The following PRKAG2 variants were observed in gnomAD, a reference collection of about 807,000 sequenced individuals.
PRKAG2 encodes the protein 5'-AMP-activated protein kinase subunit gamma-2.
A neutral mutation model predicts 69.6 loss-of-function variants in PRKAG2; 26 were observed. That is an observed-to-expected ratio of 0.37 (90% CI 0.27 to 0.52). The LOEUF is 0.52. PRKAG2 is among the 20% of genes least tolerant of loss of function. The probability of loss-of-function intolerance (pLI) is 0.90; values close to 1 mark genes in which losing one functional copy is unlikely to be tolerated. For synonymous variants in PRKAG2, 293 were observed against 285.0 expected, an observed-to-expected ratio of 1.03 and a Z score of -0.28; for missense variants, 557 against 740.0, an observed-to-expected ratio of 0.75 and a Z score of 2.87.
chr7:151,832,440 C>A (rs2079056027), intron 1 of PRKAG2, among the ~76,000 whole-genome samples: 1 of 152,212 alleles, frequency 6.6e-6, no homozygotes, highest in South Asian at 2.1e-4. Context: ...CCTCCATAGA[C>A]ACCTGCCCAC....
intron 5 of PRKAG2, among the ~76,000 whole-genome samples, chr7:151,611,013 C>T (rs1002559352): frequency 1.3e-5 from 2 of 152,084 alleles, no homozygotes; most frequent in African/African-American, 4.8e-5. Flanking sequence ...CCTTGGCCTC[C>T]CAAAGTGCTG....
chr7:151,731,796 A>C (rs757901003), intron 3 of PRKAG2, among the ~76,000 whole-genome samples: 22 of 151,988 alleles, frequency 1.4e-4, no homozygotes, highest in Non-Finnish European at 2.8e-4. Flanking sequence ...GGATTTCATG[A>C]CCCTCACAGA....
rs768825051 is a variant in PRKAG2 at position 151,595,480 on chromosome 7, A to G, written c.755-26T>C. On this transcript the variant is annotated intron_variant, in intron 5 of 15. Coordinates refer to ENST00000287878, the MANE Select transcript of PRKAG2 (RefSeq NM_016203.4). ...CTAAAAGAAAAAAAGGCAAAACATC[A>G]GTAATAATAAAGAATTCCCTCAATC... The G allele has an allele frequency of 1.5e-5, 22 of 1,477,062 alleles. 1 individual carries two copies. The South Asian group carries it at 2.4e-4, about 16-fold the overall frequency. 91.5% of individuals were successfully genotyped at this position (1,477,062 alleles called of 1,614,324 possible).
intron 1 of PRKAG2, among the ~76,000 whole-genome samples, chr7:151,787,381 C>T (rs1195458746): frequency 2.0e-5 from 3 of 151,976 alleles, no homozygotes; most frequent in Non-Finnish European, 4.4e-5. Flanking sequence ...CCTCCCCCTC[C>T]CCCTAGTGCT....
intron 3 of PRKAG2, among the ~76,000 whole-genome samples, chr7:151,681,082 C>T (rs6973948): frequency 0.37 from 56,598 of 151,930 alleles, 10,654 homozygotes; most frequent in African/African-American, 0.4. Flanking sequence ...GAGCACAAAC[C>T]ACGGTGTCCG....
chr7:151,829,535 G>C (rs983465653), intron 1 of PRKAG2, among the ~76,000 whole-genome samples: 1 of 151,876 alleles, frequency 6.6e-6, no homozygotes, highest in Non-Finnish European at 1.5e-5. Flanking sequence ...ATTCTCAAGA[G>C]AAATAAAAAC....
At chr7:151,721,095 C>A (rs531801753) in intron 3 of PRKAG2, among the ~76,000 whole-genome samples, 11 of 143,624 alleles carry the variant, frequency 7.7e-5, no homozygotes. Context: ...ACACAGAGGG[C>A]AGAGGGGGAC....
intron 3 of PRKAG2, among the ~76,000 whole-genome samples, chr7:151,767,845 G>A (rs1300306723): frequency 2.7e-5 from 2 of 75,390 alleles, no homozygotes; most frequent in African/African-American, 5.4e-5. Flanking sequence ...CAAAAGCTCT[G>A]GTTCCTCTTA....
At chr7:151,864,384 A>G (rs2080009117) in intron 1 of PRKAG2, among the ~76,000 whole-genome samples, 1 of 152,094 alleles carries the variant, frequency 6.6e-6, no homozygotes, top group Admixed American at 6.6e-5. Flanking sequence ...CTGTTTCCTC[A>G]TTATACGGCG....
At chr7:151,680,521 G>A (rs1833715194) in intron 3 of PRKAG2, among the ~76,000 whole-genome samples, 1 of 152,220 alleles carries the variant, frequency 6.6e-6, no homozygotes, top group Non-Finnish European at 1.5e-5. Flanking sequence ...GTCTGATTTT[G>A]CCTAGACTAT....
chr7:151,743,184 G>T (rs796124528), intron 3 of PRKAG2, among the ~76,000 whole-genome samples: 3 of 152,320 alleles, frequency 2.0e-5, no homozygotes, highest in African/African-American at 7.2e-5. Flanking sequence ...AAAAAGGAAG[G>T]AAAGAATGGC....
At chr7:151,803,582 T>C (rs2077951114) in intron 1 of PRKAG2, among the ~76,000 whole-genome samples, 1 of 152,230 alleles carries the variant, frequency 6.6e-6, no homozygotes, top group Non-Finnish European at 1.5e-5. Context: ...AATGATATCC[T>C]ACTCCATTGC....
At chr7:151,866,187 G>A (rs938844013) in intron 1 of PRKAG2, among the ~76,000 whole-genome samples, 12 of 152,254 alleles carry the variant, frequency 7.9e-5, no homozygotes, top group South Asian at 6.2e-4. Context: ...GGCAGCAGAC[G>A]CCGCCCTCTC....
chr7:151,690,218 G>A (rs1400416356), intron 3 of PRKAG2, among the ~76,000 whole-genome samples: 1 of 152,214 alleles, frequency 6.6e-6, no homozygotes, highest in Admixed American at 6.5e-5. Context: ...TCCCGAGGGA[G>A]GTGGGAAAGG....
chr7:151,865,617 C>T (rs1007962733), intron 1 of PRKAG2, among the ~76,000 whole-genome samples: 13 of 152,272 alleles, frequency 8.5e-5, no homozygotes, highest in African/African-American at 2.2e-4. Flanking sequence ...GTGACAGAGG[C>T]GCCAGGCAGG....
intron 3 of PRKAG2, among the ~76,000 whole-genome samples, chr7:151,749,056 G>C (rs575566135): frequency 1.1e-4 from 17 of 152,356 alleles, no homozygotes; most frequent in African/African-American, 4.1e-4. Flanking sequence ...AGAGGCCCAC[G>C]GGCCAGATGT....
rs778832546 is a variant in PRKAG2, at chr7:151,828,179, C to T, written c.115-41638G>A. On this transcript the variant is annotated intron_variant, in intron 1 of 15. Transcript: ENST00000287878. This position sits in a 1 kb window ranked among gnomAD's most constrained non-coding sequence, Gnocchi z 4.6. ...CCTGGAATGAGTGCAACTCTTTGTC[C>T]AGGGGTCTCCACGCTTTTGTGAGGA... Among the ~76,000 whole-genome samples the T allele has an allele frequency of 1.3e-5, 2 of 152,204 alleles. No homozygotes were observed. The highest frequency in any genetic ancestry group is 2.9e-5 in the Non-Finnish European group (2 of 68,042).
intron 1 of PRKAG2, among the ~76,000 whole-genome samples, chr7:151,792,614 C>A (rs1563683613): frequency 1.3e-5 from 2 of 152,162 alleles, no homozygotes; most frequent in East Asian, 3.9e-4. Context: ...AGCTGGGATA[C>A]CCCAGAAAGA....
chr7:151,834,381 C>T (rs2079100478), intron 1 of PRKAG2, among the ~76,000 whole-genome samples: 1 of 152,230 alleles, frequency 6.6e-6, no homozygotes, highest in African/African-American at 2.4e-5. Flanking sequence ...AGTCGCCAGG[C>T]ACACTGAGTT....
Sources: gnomAD v4.1 joint callset for allele counts (sites outside exome capture counted in the v4.1 genomes callset) on GRCh38, gnomAD v4.1.1 for gene constraint, Gnocchi (gnomAD v3.1) non-coding constraint, MANE v1.5 for transcripts, NCBI Gene and HGNC (gene_info 2026-07-23, HGNC 2026-07-21) for gene names.